CSMD2: variants seen among roughly 807,000 people sequenced by gnomAD.
CSMD2 encodes the protein CUB and Sushi multiple domains 2.
In CSMD2, 130 loss-of-function variants were observed where a neutral mutation model predicts 398.5. That is an observed-to-expected ratio of 0.33 (90% confidence interval 0.28 to 0.38). The LOEUF (loss-of-function observed/expected upper bound fraction) is 0.38, where lower values mean the gene tolerates loss of function less well. Ranked by LOEUF, CSMD2 falls within the 10% of genes least tolerant of loss-of-function variation. CSMD2 has a pLI of 1.00. For missense variants in CSMD2, 3,829 were observed against 4,764.9 expected (o/e 0.80, Z 5.78); for synonymous variants, 1,828 against 1,908.5 (o/e 0.96, Z 1.10).
intron 51 of CSMD2, among the ~76,000 whole-genome samples, chr1:33,570,333 ATTTTT>A (rs57025243): frequency 6.4e-5 from 9 of 140,702 alleles, no homozygotes; most frequent in Non-Finnish European, 6.1e-5. Flanking sequence ...ATGCTGGCTA[ATTTTT>A]TTTTTTTTTT....
At chr1:34,103,343 G>A (rs1321086760) in intron 1 of CSMD2, among the ~76,000 whole-genome samples, 2 of 137,394 alleles carry the variant, frequency 1.5e-5, no homozygotes, top group Admixed American at 8.0e-5. Flanking sequence ...CTGTCAACCA[G>A]GCTGGAGTGC....
chr1:33,817,828 G>T (rs1319639892), intron 9 of CSMD2, among the ~76,000 whole-genome samples: 1 of 152,212 alleles, frequency 6.6e-6, no homozygotes, highest in African/African-American at 2.4e-5. Context: ...AATGATGATG[G>T]TTGGATTTGT....
At chr1:33,535,581 T>C (rs1303883932) in intron 62 of CSMD2, among the ~76,000 whole-genome samples, 2 of 152,242 alleles carry the variant, frequency 1.3e-5, no homozygotes, top group Non-Finnish European at 2.9e-5. Context: ...AGAGTGCCTC[T>C]GGGATATGTT....
At chr1:33,566,913 T>C (rs1055863850) in intron 53 of CSMD2, among the ~76,000 whole-genome samples, 6 of 152,146 alleles carry the variant, frequency 3.9e-5, no homozygotes, top group Admixed American at 3.9e-4. Flanking sequence ...ATAGACAACA[T>C]AATCAATCAG....
At position 34,164,840 on chromosome 1, in the gene CSMD2, G is replaced by C; in HGVS notation, c.187+71C>G. ...CGGGGGGAGGGACTGGGACCGGGTC[G>C]AGGATGGGTGGGCTCGGGGCTCGGG... is the stretch of plus-strand genomic sequence containing the variant. On this transcript the variant is annotated intron_variant, in intron 1 of 70. Transcript: ENST00000373381. The surrounding 1 kb of genome is among the most constrained non-coding windows in gnomAD (Gnocchi z 6.2). 2 of 1,169,752 alleles carry C rather than the reference G, an allele frequency of 1.7e-6. No individual in the cohort carries two copies. The highest frequency in any genetic ancestry group is 2.1e-6 in the Non-Finnish European group (2 of 942,502). 72.5% of individuals were successfully genotyped at this position (1,169,752 alleles called of 1,614,324 possible). A position where few individuals can be genotyped will look rare whatever the true frequency, so the allele number is the denominator to read the frequency against.
Position 33,739,348 on chromosome 1 carries a change from G to A in CSMD2, c.2174-14C>T, listed in dbSNP as rs1368332328. 6.2e-7 allele frequency: 1 copy of A among 1,602,662 alleles called. No individual in the cohort carries two copies. Among genetic ancestry groups the A allele is most frequent in the Non-Finnish European group, 8.5e-7 (1 of 1,174,228 alleles). ...TGTGTCGGAAGGCTGTGTAGATGGAGTTCAAGGACATGATCAGACATTGCT... is the reference window on the plus strand; with the variant it reads ...TGTGTCGGAAGGCTGTGTAGATGGAATTCAAGGACATGATCAGACATTGCT... On this transcript the variant is annotated splice_polypyrimidine_tract_variant and intron_variant, in intron 14 of 70. Coordinates refer to ENST00000373381, the MANE Select transcript of CSMD2 (RefSeq NM_001281956.2).
chr1:33,992,322 G>A (rs943183329), intron 3 of CSMD2, among the ~76,000 whole-genome samples: 6 of 152,090 alleles, frequency 3.9e-5, no homozygotes, highest in African/African-American at 1.4e-4. Context: ...CTGGGTAGCT[G>A]GGACTATAGG....
chr1:33,797,462 C>G (rs527570475), intron 10 of CSMD2, among the ~76,000 whole-genome samples: 3 of 152,268 alleles, frequency 2.0e-5, no homozygotes, highest in Admixed American at 6.5e-5. Flanking sequence ...ATGGGACAGG[C>G]TAGGCACAGA....
At position 33,918,132 on chromosome 1, in the gene CSMD2, G is replaced by T. The variant is rs780269185; in HGVS notation, c.882C>A (p.Asp294Glu). 6.2e-7 allele frequency: 1 copy of T among 1,614,074 alleles called. No homozygotes were observed. Among genetic ancestry groups the T allele is most frequent in the South Asian group, 1.1e-5 (1 of 91,080 alleles). Reference sequence around the variant, plus strand: ...CTTCTGTCCCAGTGACTTCCAGAAAGTCGTAACCATCCTCCAGCTGGAAGT... The same window carrying T: ...CTTCTGTCCCAGTGACTTCCAGAAATTCGTAACCATCCTCCAGCTGGAAGT... ...FIDFQLEDGY[D>E]FLEVTGTEGS... Residue 294 changes from aspartate to glutamate, a missense_variant, in exon 5 of 71, where the codon GAC becomes GAA. Around this residue, in one of 5 missense-constraint regions of CSMD2, gnomAD observed 2,001 missense variants for 2,567.1 expected, o/e 0.78. Coordinates refer to ENST00000373381, the MANE Select transcript of CSMD2 (RefSeq NM_001281956.2).
Position 33,626,510 on chromosome 1 carries a change from T to C in CSMD2, c.5272A>G (p.Arg1758Gly). The C allele has an allele frequency of 1.9e-6, 3 of 1,608,624 alleles. No individual in the cohort carries two copies. Among genetic ancestry groups the C allele is most frequent in the Non-Finnish European group, 1.7e-6 (2 of 1,177,892 alleles). Reference protein sequence around the residue: ...KFSAKGLAPARGFHFVYQAVP... With the variant: ...KFSAKGLAPAGGFHFVYQAVP... ...CCTTGGTAGACAAAGTGGAAGCCTC[T>C]GGCTGGTGCGAGGCCTTTGGCGCTG... Residue 1758 changes from arginine to glycine, a missense_variant, in exon 33 of 71, where the codon AGA (arginine) becomes GGA (glycine). Physicochemically the swap from Arg to Gly is moderately radical, Grantham distance 125. Around this residue, in one of 5 missense-constraint regions of CSMD2, gnomAD observed 2,001 missense variants for 2,567.1 expected, o/e 0.78. Coordinates refer to ENST00000373381, the MANE Select transcript of CSMD2 (RefSeq NM_001281956.2).
intron 13 of CSMD2, among the ~76,000 whole-genome samples, chr1:33,754,877 T>C (rs911668895): frequency 6.6e-6 from 1 of 151,982 alleles, no homozygotes; most frequent in African/African-American, 2.4e-5. Context: ...GTCTTTAGTA[T>C]TTGAAAATTG....
At chr1:33,667,022 C>T (rs372168502) in intron 25 of CSMD2, among the ~76,000 whole-genome samples, 15 of 152,112 alleles carry the variant, frequency 9.9e-5, no homozygotes, top group African/African-American at 3.4e-4. Flanking sequence ...TGAAGCTGTC[C>T]GGGAAGAAAG....
intron 3 of CSMD2, among the ~76,000 whole-genome samples, chr1:33,980,511 A>C (rs1646128836): frequency 6.6e-6 from 1 of 152,220 alleles, no homozygotes; most frequent in Admixed American, 6.5e-5. Context: ...GAAAGGGATG[A>C]CTTGTTCCAG....
intron 37 of CSMD2, among the ~76,000 whole-genome samples, chr1:33,621,475 A>G (rs1300219591): frequency 3.3e-5 from 5 of 152,040 alleles, no homozygotes; most frequent in African/African-American, 4.8e-5. Flanking sequence ...ATCTTTCCCA[A>G]TCGTGGCAAA....
chr1:33,900,476 T>C (rs1460092516), intron 5 of CSMD2, among the ~76,000 whole-genome samples: 1 of 152,208 alleles, frequency 6.6e-6, no homozygotes, highest in Non-Finnish European at 1.5e-5. Flanking sequence ...ATAATATTAT[T>C]ATTTTACAAG....
chr1:33,796,885 T>C (rs1344529064), intron 10 of CSMD2, among the ~76,000 whole-genome samples: 4 of 152,168 alleles, frequency 2.6e-5, no homozygotes, highest in Non-Finnish European at 5.9e-5. Context: ...GGTCTATAAA[T>C]GGCCGCTCTG....
intron 62 of CSMD2, among the ~76,000 whole-genome samples, chr1:33,535,708 G>A (rs533165586): frequency 3.2e-4 from 49 of 152,234 alleles, no homozygotes; most frequent in Admixed American, 2.3e-3. Flanking sequence ...CCTCCCTCAC[G>A]GGGCTGCAGA....
Position 33,542,706 on chromosome 1 carries a change from G to A in CSMD2, c.9277+14C>T, listed in dbSNP as rs748391908. On this transcript the variant is annotated intron_variant, in intron 58 of 70. Coordinates refer to ENST00000373381, the MANE Select transcript of CSMD2 (RefSeq NM_001281956.2). The stretch of plus-strand genomic sequence containing the variant: ...CACTGTTGGCCATGGAACCCGTAGG[G>A]CCTGAGCTCTCACCGAGGCACTCAG... 36 of 1,610,130 alleles carry A rather than the reference G, an allele frequency of 2.2e-5. No individual in the cohort carries two copies. Among genetic ancestry groups the A allele is most frequent in the Non-Finnish European group, 3.1e-5 (36 of 1,178,014 alleles).
chr1:34,152,492 C>G (rs1469047680), intron 1 of CSMD2, among the ~76,000 whole-genome samples: 1 of 152,164 alleles, frequency 6.6e-6, no homozygotes, highest in Non-Finnish European at 1.5e-5. Flanking sequence ...CCTCAATGCC[C>G]TTCTTTGGTG....
Sources: allele counts gnomAD v4.1 joint callset (sites outside exome capture counted in the v4.1 genomes callset), GRCh38; gene constraint gnomAD v4.1.1; regional missense constraint gnomAD v4.1.1; non-coding constraint Gnocchi (gnomAD v3.1); transcripts MANE v1.5; gene names NCBI Gene and HGNC (gene_info 2026-07-23, HGNC 2026-07-21).